SEMA3C: variants seen among roughly 807,000 people sequenced by gnomAD.
The protein encoded by SEMA3C is semaphorin-3C.
Under a neutral mutation model 89.4 loss-of-function variants are expected in SEMA3C, and 47 were observed. That is an observed-to-expected ratio of 0.53 (90% CI 0.42 to 0.67). The LOEUF (loss-of-function observed/expected upper bound fraction) is 0.67. Ranked by LOEUF, SEMA3C falls within the 30% of genes least tolerant of loss-of-function variation. The probability of loss-of-function intolerance (pLI) is 0.00; values close to 1 mark genes in which losing one functional copy is unlikely to be tolerated. For missense variants in SEMA3C, 839 were observed against 929.1 expected (o/e 0.90, Z 1.26); for synonymous variants, 310 against 320.2 (o/e 0.97, Z 0.34).
intron 11 of SEMA3C, 94 bp from the exon 12 acceptor site, chr7:80,789,622 C>T (rs1788888354): frequency 2.3e-6 from 2 of 867,040 alleles, no homozygotes; most frequent in Non-Finnish European, 3.5e-6. Flanking sequence ...CACTTAGAAG[C>T]TCCAGTTGTT....
chr7:80,902,611 GACTA>G (rs1293881350), intron 2 of SEMA3C, among the ~76,000 whole-genome samples: 3 of 152,072 alleles, frequency 2.0e-5, no homozygotes, highest in East Asian at 1.9e-4. Flanking sequence ...ATGTATTTAA[GACTA>G]ACTAACATCA....
At chr7:80,752,342 TG>T (rs1466558990) in intron 15 of SEMA3C, among the ~76,000 whole-genome samples, 1 of 152,144 alleles carries the variant, frequency 6.6e-6, no homozygotes, top group Non-Finnish European at 1.5e-5. Context: ...CCAGGTGCGG[TG>T]GCTCACGCCT....
intron 13 of SEMA3C, among the ~76,000 whole-genome samples, chr7:80,764,520 C>A (rs1337300521): frequency 1.3e-5 from 2 of 152,124 alleles, no homozygotes; most frequent in Non-Finnish European, 2.9e-5. Flanking sequence ...GCACTCTGCC[C>A]TGACCAGGTG....
intron 12 of SEMA3C, among the ~76,000 whole-genome samples, chr7:80,779,113 A>C (rs1788632788): frequency 6.6e-6 from 1 of 152,060 alleles, no homozygotes. Context: ...CAAATCTTCA[A>C]CTTGATGTGA....
At chr7:80,754,518 G>GA (rs11442386) in intron 15 of SEMA3C, among the ~76,000 whole-genome samples, 60,952 of 151,862 alleles carry the variant, frequency 0.4, 12,695 homozygotes, top group Non-Finnish European at 0.46. Flanking sequence ...AAAGGAAAAT[G>GA]AAAAACTCAT....
At chr7:80,879,168 G>C (rs115266056) in intron 2 of SEMA3C, among the ~76,000 whole-genome samples, 1,618 of 151,900 alleles carry the variant, frequency 0.011, 26 homozygotes, top group African/African-American at 0.037. Flanking sequence ...ACAAGAGAAG[G>C]CAGCAACTGC....
intron 2 of SEMA3C, among the ~76,000 whole-genome samples, chr7:80,837,327 C>T (rs565171929): frequency 1.3e-4 from 20 of 152,308 alleles, no homozygotes; most frequent in South Asian, 2.1e-4. Flanking sequence ...TGAAATACCA[C>T]TACTAAAAAC....
Position 80,789,346 on chromosome 7 carries a change from G to C in SEMA3C, c.1314C>G (p.Asn438Lys). 6.2e-7 allele frequency: 1 copy of C among 1,613,900 alleles called. No homozygotes were observed. Among genetic ancestry groups the C allele is most frequent in the Non-Finnish European group, 8.5e-7 (1 of 1,179,930 alleles). The change falls in exon 12 of 18, where the codon AAC becomes AAG. Residue 438 changes from asparagine (N) to lysine (K), a missense_variant. Physicochemically the swap from Asn to Lys is moderately conservative, Grantham distance 94. Transcript: ENST00000265361. ...GGACATGGTATCTCCCATCAGCAGC[G>C]TTCACTCGATCCACAGCTATCTTTG... The part of the protein sequence containing the change: ...KYTKIAVDRV[N>K]AADGRYHVLF...
chr7:80,767,741 A>T (rs1431915120), intron 12 of SEMA3C, among the ~76,000 whole-genome samples: 3 of 152,164 alleles, frequency 2.0e-5, no homozygotes, highest in East Asian at 1.9e-4. Context: ...ATTAACTTGA[A>T]CTGAATTGTA....
At chr7:80,890,002 A>G (rs1013657898) in intron 2 of SEMA3C, among the ~76,000 whole-genome samples, 6 of 152,204 alleles carry the variant, frequency 3.9e-5, no homozygotes, top group Admixed American at 2.0e-4. Flanking sequence ...ATTAAAATGT[A>G]TAGAAGTAAA....
upstream of SEMA3C, among the ~76,000 whole-genome samples, chr7:80,920,739 G>A (rs763832689): frequency 7.9e-5 from 12 of 152,252 alleles, no homozygotes; most frequent in Non-Finnish European, 1.2e-4. Context: ...ACATAAATTT[G>A]TAATAAGGAA....
chr7:80,876,007 C>T (rs964770861), intron 2 of SEMA3C, among the ~76,000 whole-genome samples: 2 of 151,992 alleles, frequency 1.3e-5, no homozygotes, highest in Non-Finnish European at 2.9e-5. Context: ...GGCCACCGTG[C>T]ATGATAACTA....
chr7:80,899,081 G>T (rs2116187367), intron 2 of SEMA3C, among the ~76,000 whole-genome samples: 1 of 152,180 alleles, frequency 6.6e-6, no homozygotes, highest in Middle Eastern at 3.4e-3. Context: ...CGCTCTGTTG[G>T]CCAGGCTGAA....
At chr7:80,805,497 A>C (rs1789317248) in intron 7 of SEMA3C, 142 bp downstream of exon 7, 1 of 564,608 alleles carries the variant, frequency 1.8e-6, no homozygotes, top group Non-Finnish European at 2.8e-6. Context: ...GAATATTTTA[A>C]ATCATAGGGT....
chr7:80,752,492 G>A (rs913635207), intron 15 of SEMA3C, among the ~76,000 whole-genome samples: 2 of 151,652 alleles, frequency 1.3e-5, no homozygotes, highest in Admixed American at 1.3e-4. Context: ...TGGTAGCATG[G>A]TGGTCCCAGC....
chr7:80,804,325 A>AGAT, intron 7 of SEMA3C, 77 bp from the exon 8 acceptor site: 1 of 1,002,864 alleles, frequency 1.0e-6, no homozygotes, highest in Non-Finnish European at 1.4e-6. Flanking sequence ...GACCACAGGC[A>AGAT]GATGCCTTCC....
chr7:80,855,059 T>C (rs956863600), intron 2 of SEMA3C, among the ~76,000 whole-genome samples: 2 of 152,194 alleles, frequency 1.3e-5, no homozygotes, highest in Admixed American at 6.5e-5. Context: ...AATAATCTTA[T>C]ATTCATAAGC....
chr7:80,922,210 G>A, upstream of SEMA3C: 2 of 1,263,586 alleles, frequency 1.6e-6, no homozygotes, highest in Non-Finnish European at 2.1e-6. Flanking sequence ...AGAAACTCAA[G>A]CGTGATTGCC....
intron 15 of SEMA3C, among the ~76,000 whole-genome samples, chr7:80,756,986 ATTTTTGTC>A (rs1183167704): frequency 1.3e-5 from 2 of 152,024 alleles, no homozygotes; most frequent in Admixed American, 1.3e-4. Context: ...GAAGACAGAG[ATTTTTGTC>A]TTTTTTCCTG....
Sources: allele counts gnomAD v4.1 joint callset (sites outside exome capture counted in the v4.1 genomes callset), GRCh38; gene constraint gnomAD v4.1.1; transcripts MANE v1.5; gene names NCBI Gene and HGNC (gene_info 2026-07-23, HGNC 2026-07-21).